The following CCDC126 variants were observed in gnomAD, a reference collection of about 807,000 sequenced individuals.
CCDC126 encodes coiled-coil domain containing 126.
In CCDC126, 5 loss-of-function variants were observed where a neutral mutation model predicts 11.7. The observed-to-expected ratio is 0.43, with a 90% confidence interval of 0.22 to 0.90. CCDC126 has a LOEUF of 0.90. Among genes scored for constraint, CCDC126 ranks in the 40% least tolerant of loss-of-function variants. The probability of loss-of-function intolerance (pLI) is 0.27; values close to 1 mark genes in which losing one functional copy is unlikely to be tolerated. For missense variants in CCDC126, 150 were observed against 163.1 expected, an observed-to-expected ratio of 0.92 and a Z score of 0.44; for synonymous variants, 60 against 61.9, an observed-to-expected ratio of 0.97 and a Z score of 0.14.
Position 23,633,271 on chromosome 7 carries a change from C to T in CCDC126, c.239-9660C>T, listed in dbSNP as rs532770345. On this transcript the variant is annotated intron_variant, in intron 3 of 3. Coordinates refer to ENST00000307471, the MANE Select transcript of CCDC126 (RefSeq NM_138771.4). ...CCTCCCAAAGTGCTGGGATTACAGG[C>T]GTGAGCCACTGTGCCCGGCCCTGCC... Among the ~76,000 whole-genome samples the T allele has an allele frequency of 2.0e-5, 3 of 152,196 alleles. No individual in the cohort carries two copies. In the South Asian group the frequency reaches 6.2e-4, roughly 32 times the overall value.
At position 23,599,116 on chromosome 7, in the gene CCDC126, A is replaced by T. The variant is rs185172872; in HGVS notation, c.-146+1065A>T. ...AAAGCTGCCAGAAATAAGAATCTCTACCAGCCAGTTATCACTCTCTCATGA... is the reference window on the plus strand; with the variant it reads ...AAAGCTGCCAGAAATAAGAATCTCTTCCAGCCAGTTATCACTCTCTCATGA... On this transcript the variant is annotated intron_variant, in intron 2 of 3. Coordinates refer to ENST00000307471, the MANE Select transcript of CCDC126 (RefSeq NM_138771.4). Among the ~76,000 whole-genome samples the T allele has an allele frequency of 1.6e-3, 250 of 152,308 alleles. 1 individual carries two copies. The highest frequency in any genetic ancestry group is 5.9e-3 in the African/African-American group (244 of 41,568).
chr7:23,609,340 C>T lies in CCDC126; in HGVS notation c.-145-1831C>T, dbSNP rs139819120. Reference sequence around the variant, plus strand: ...CTGGGATTACAAGCATGCGCCACCACGTCCGGCTAATTTTGTATTTTTAGT... The same window carrying T: ...CTGGGATTACAAGCATGCGCCACCATGTCCGGCTAATTTTGTATTTTTAGT... On this transcript the variant is annotated intron_variant, in intron 2 of 3. Transcript: ENST00000307471. 1.9e-3 allele frequency among the ~76,000 whole-genome samples: 288 copies of T among 152,154 alleles called. 1 individual carries two copies. The highest frequency in any genetic ancestry group is 6.8e-3 in the Middle Eastern group (2 of 294).
chr7:23,600,978 G>T (rs911286110), intron 2 of CCDC126, among the ~76,000 whole-genome samples: 1 of 151,758 alleles, frequency 6.6e-6, no homozygotes, highest in Non-Finnish European at 1.5e-5. Flanking sequence ...TACTAGGGAG[G>T]TAGAGGTGGG....
At chr7:23,617,348 C>CAAAAAA (rs35391703) in intron 3 of CCDC126, among the ~76,000 whole-genome samples, 58 of 36,090 alleles carry the variant, frequency 1.6e-3, no homozygotes, top group Non-Finnish European at 1.8e-3. Context: ...ATGCTGTCTC[C>CAAAAAA]AAAAAAAAAA....
intron 3 of CCDC126, among the ~76,000 whole-genome samples, chr7:23,626,479 G>A (rs1224312326): frequency 1.3e-5 from 2 of 151,674 alleles, no homozygotes; most frequent in Non-Finnish European, 2.9e-5. Context: ...ATAAACATAA[G>A]CTAATATATT....
chr7:23,630,794 C>T (rs1221119110), intron 3 of CCDC126, among the ~76,000 whole-genome samples: 1 of 90,186 alleles, frequency 1.1e-5, no homozygotes, highest in Non-Finnish European at 2.3e-5. Context: ...GGCCATAAAA[C>T]AAGCCTCACA....
chr7:23,621,049 C>T (rs1318615261), intron 3 of CCDC126, among the ~76,000 whole-genome samples: 2 of 152,220 alleles, frequency 1.3e-5, no homozygotes, highest in Non-Finnish European at 2.9e-5. Flanking sequence ...TTAGGACTGA[C>T]TTGGCAATGC....
At chr7:23,608,023 AT>A (rs1782649766) in intron 2 of CCDC126, among the ~76,000 whole-genome samples, 1 of 152,240 alleles carries the variant, frequency 6.6e-6, no homozygotes, top group South Asian at 2.1e-4. Flanking sequence ...GAATATACAT[AT>A]TTAATAAGTT....
intron 3 of CCDC126, among the ~76,000 whole-genome samples, chr7:23,631,772 G>A (rs1257783493): frequency 6.6e-6 from 1 of 150,888 alleles, no homozygotes; most frequent in Non-Finnish European, 1.5e-5. Flanking sequence ...AAAAAAAAAA[G>A]AAATTTAATT....
At chr7:23,636,694 C>T (rs1393310511) in intron 3 of CCDC126, among the ~76,000 whole-genome samples, 1 of 149,832 alleles carries the variant, frequency 6.7e-6, no homozygotes, top group Admixed American at 6.6e-5. Flanking sequence ...GTGAGGAGCC[C>T]CTCCGCCTGG....
At position 23,644,381 on chromosome 7, in the gene CCDC126, A is replaced by G. The variant is rs1009361966; in HGVS notation, c.*1266A>G. 6.6e-5 allele frequency: 10 copies of G among 152,534 alleles called. No homozygotes were observed. Among genetic ancestry groups the G allele is most frequent in the African/African-American group, 2.2e-4 (9 of 41,460 alleles). The allele number at this position is 152,534 out of a possible 1,614,324, so 9.4% of individuals were successfully genotyped here. ...CTATATTTCATAGTATTTATTCTCTATAGTAACTGCTTAAGTGCAGCTAGC... is the reference window on the plus strand; with the variant it reads ...CTATATTTCATAGTATTTATTCTCTGTAGTAACTGCTTAAGTGCAGCTAGC... On this transcript the variant is annotated 3_prime_UTR_variant, in exon 4 of 4. Coordinates refer to ENST00000307471, the MANE Select transcript of CCDC126 (RefSeq NM_138771.4).
chr7:23,610,247 T>C (rs772796111), intron 2 of CCDC126, among the ~76,000 whole-genome samples: 22 of 152,264 alleles, frequency 1.4e-4, no homozygotes, highest in Non-Finnish European at 2.6e-4. Context: ...GGTCTTGCTC[T>C]GTCACCCAGG....
chr7:23,600,476 C>G (rs1286135269), intron 2 of CCDC126, among the ~76,000 whole-genome samples: 5 of 144,466 alleles, frequency 3.5e-5, no homozygotes, highest in Non-Finnish European at 6.0e-5. Context: ...GGGGTCAAGT[C>G]TGTGGAGGAC....
At chr7:23,631,072 C>T (rs867052118) in intron 3 of CCDC126, among the ~76,000 whole-genome samples, 1 of 151,694 alleles carries the variant, frequency 6.6e-6, no homozygotes, top group Non-Finnish European at 1.5e-5. Flanking sequence ...GTCTCAAATC[C>T]GTAATCTAAG....
At chr7:23,599,713 G>A (rs1157479345) in intron 2 of CCDC126, among the ~76,000 whole-genome samples, 1 of 152,076 alleles carries the variant, frequency 6.6e-6, no homozygotes, top group Non-Finnish European at 1.5e-5. Flanking sequence ...GCCTATGTCA[G>A]CTTCCCAAAT....
In CCDC126 at chr7:23,643,124, A is replaced by T. The variant is rs1200200233; in HGVS notation, c.*9A>T. 2 of 1,611,386 alleles carry T rather than the reference A, an allele frequency of 1.2e-6. No homozygotes were observed. The highest frequency in any genetic ancestry group is 8.5e-7 in the Non-Finnish European group (1 of 1,178,326). ...CGGGCAGTATCAGATAGCAGTTGAA[A>T]ATCACCTTGTGCTGCTCCATCCACT... On this transcript the variant is annotated 3_prime_UTR_variant, in exon 4 of 4. Coordinates refer to ENST00000307471, the MANE Select transcript of CCDC126 (RefSeq NM_138771.4).
intron 3 of CCDC126, chr7:23,622,908 TTATTA>T (rs1782943239): frequency 3.0e-6 from 1 of 332,270 alleles, no homozygotes; most frequent in Non-Finnish European, 5.9e-6. Flanking sequence ...GTAACATGAA[TTATTA>T]TTCTGTTGAC....
intron 3 of CCDC126, among the ~76,000 whole-genome samples, chr7:23,634,466 A>C (rs752270740): frequency 6.6e-6 from 1 of 152,226 alleles, no homozygotes; most frequent in African/African-American, 2.4e-5. Context: ...CATGTCTCAA[A>C]AAACAAACAA....
Position 23,605,443 on chromosome 7 carries a change from G to A in CCDC126, c.-145-5728G>A, listed in dbSNP as rs1782608152. On this transcript the variant is annotated intron_variant, in intron 2 of 3. Transcript: ENST00000307471. ...TGTGTGTGTGTGTGTGTGTGTGTGT[G>A]GTAAAAAAATACATAATCTAAAATT... is the stretch of plus-strand genomic sequence containing the variant. Among the ~76,000 whole-genome samples the A allele has an allele frequency of 2.3e-5, 3 of 128,526 alleles. 1 individual carries two copies. In the Admixed American group the frequency reaches 2.4e-4, roughly 10 times the overall value. The allele number at this position is 128,526 out of a possible 152,430, so 84.3% of individuals were successfully genotyped here.
Sources: gnomAD v4.1 joint callset for allele counts (sites outside exome capture counted in the v4.1 genomes callset) on GRCh38, gnomAD v4.1.1 for gene constraint, MANE v1.5 for transcripts, NCBI Gene and HGNC (gene_info 2026-07-23, HGNC 2026-07-21) for gene names.